The following NFASC variants were observed in gnomAD, a reference collection of about 807,000 sequenced individuals.
The protein encoded by NFASC is neurofascin homolog.
Under a neutral mutation model 147.5 loss-of-function variants are expected in NFASC, and 43 were observed. The observed-to-expected ratio is 0.29, with a 90% CI of 0.23 to 0.38. The LOEUF (loss-of-function observed/expected upper bound fraction) is 0.38, where lower values mean the gene tolerates loss of function less well. Among genes scored for constraint, NFASC ranks in the 10% least tolerant of loss-of-function variants. The pLI is 1.00. For missense variants in NFASC, 1,320 were observed against 1,689.0 expected, an observed-to-expected ratio of 0.78 and a Z score of 3.83; for synonymous variants, 622 against 665.5, an observed-to-expected ratio of 0.93 and a Z score of 1.01.
At chr1:204,946,028 G>T (rs2093705051) in intron 3 of NFASC, among the ~76,000 whole-genome samples, 1 of 152,144 alleles carries the variant, frequency 6.6e-6, no homozygotes, top group African/African-American at 2.4e-5. Flanking sequence ...AAGCTCTACA[G>T]GAAACGGAGA....
intron 17 of NFASC, among the ~76,000 whole-genome samples, chr1:204,978,374 C>G (rs1159403714): frequency 1.3e-5 from 2 of 152,202 alleles, no homozygotes; most frequent in Non-Finnish European, 2.9e-5. Flanking sequence ...GTTTGCAAGC[C>G]TGCTAGGCTT....
At chr1:205,009,483 C>G in intron 27 of NFASC, 74 bp from the exon 28 acceptor site, 21 of 1,496,330 alleles carry the variant, frequency 1.4e-5, no homozygotes, top group Non-Finnish European at 2.0e-5. Flanking sequence ...AGCTGAAGTT[C>G]TTCCCTCCAT....
At chr1:204,957,958 G>GAGCTGGAA in intron 8 of NFASC, 132 bp downstream of exon 8, 1 of 787,586 alleles carries the variant, frequency 1.3e-6, no homozygotes, top group Non-Finnish European at 2.1e-6. Context: ...TCCAGCTCAT[G>GAGCTGGAA]GTGCCTGAGC....
Position 204,980,413 on chromosome 1 carries a change from A to G in NFASC, c.2220A>G (p.Arg740=). The change falls in exon 20 of 30, where the codon AGA becomes AGG. Residue 740 remains arginine, a synonymous_variant. Coordinates refer to ENST00000339876, the MANE Select transcript of NFASC (RefSeq NM_001005388.3). ...GTGACGTGAAGGGAGAGGGGACCAGAAAGAACAACATGGAGATCACGTGGA... is the reference window on the plus strand; with the variant it reads ...GTGACGTGAAGGGAGAGGGGACCAGGAAGAACAACATGGAGATCACGTGGA... ...NPGDVKGEGT[R]KNNMEITWTP... 1.2e-6 allele frequency: 2 copies of G among 1,613,634 alleles called. No homozygotes were observed. The highest frequency in any genetic ancestry group is 1.7e-6 in the Non-Finnish European group (2 of 1,179,760).
chr1:204,944,461 G>A, intron 3 of NFASC, 55 bp downstream of exon 3: 3 of 1,095,448 alleles, frequency 2.7e-6, no homozygotes, highest in Non-Finnish European at 3.9e-6. Flanking sequence ...GCAGAGGGGT[G>A]GGAGGGGAGG....
chr1:204,969,540 G>A (rs1298584987), intron 10 of NFASC, among the ~76,000 whole-genome samples: 1 of 152,210 alleles, frequency 6.6e-6, no homozygotes, highest in East Asian at 1.9e-4. Flanking sequence ...GCCTGGGGCT[G>A]TATGGATGGT....
intron 1 of NFASC, among the ~76,000 whole-genome samples, chr1:204,899,257 G>A (rs150291043): frequency 5.8e-4 from 89 of 152,346 alleles, no homozygotes; most frequent in African/African-American, 1.9e-3. Context: ...TGCAAAAGCC[G>A]TAAGTGCTCA....
intron 4 of NFASC, 130 bp from the exon 5 acceptor site, chr1:204,951,881 G>GC (rs1558224737): frequency 1.5e-6 from 1 of 651,818 alleles, no homozygotes; most frequent in Non-Finnish European, 2.7e-6. Context: ...CCTGTTCACC[G>GC]CCCCCCACAC....
intron 1 of NFASC, among the ~76,000 whole-genome samples, chr1:204,855,584 G>A (rs571180192): frequency 7.9e-5 from 12 of 152,280 alleles, no homozygotes; most frequent in South Asian, 4.1e-4. Context: ...GGCACTGAGC[G>A]AGGGCTGAAT....
chr1:204,866,190 G>A (rs1008229714), intron 1 of NFASC, among the ~76,000 whole-genome samples: 3 of 152,200 alleles, frequency 2.0e-5, no homozygotes, highest in African/African-American at 7.2e-5. Context: ...GGAGGCTGGA[G>A]CTCTGGCTGG....
intron 1 of NFASC, among the ~76,000 whole-genome samples, chr1:204,863,847 C>CAAAA (rs35987665): frequency 1.6e-5 from 1 of 61,702 alleles, no homozygotes; most frequent in African/African-American, 5.1e-5. Context: ...GACTCTGTCT[C>CAAAA]AAAAAAAAAA....
At chr1:204,981,620 C>T (rs115163149) in intron 20 of NFASC, among the ~76,000 whole-genome samples, 178 bp from the exon 21 acceptor site, 2,559 of 152,344 alleles carry the variant, frequency 0.017, 77 homozygotes, top group African/African-American at 0.058. Context: ...TTCACAGGAC[C>T]TTGGGCTTTT....
intron 1 of NFASC, among the ~76,000 whole-genome samples, chr1:204,852,009 G>T (rs2075740339): frequency 6.6e-6 from 1 of 152,140 alleles, no homozygotes; most frequent in South Asian, 2.1e-4. Context: ...GATGTAATGT[G>T]CCCCCCATGC....
At chr1:204,971,585 A>G (rs12063938) in intron 11 of NFASC, among the ~76,000 whole-genome samples, 7 of 152,104 alleles carry the variant, frequency 4.6e-5, no homozygotes, top group Non-Finnish European at 1.0e-4. Context: ...ATTTAGACAT[A>G]TATTGTATGC....
chr1:204,946,739 C>G (rs188551708), intron 3 of NFASC: 10 of 519,026 alleles, frequency 1.9e-5, no homozygotes, highest in African/African-American at 1.9e-4. Flanking sequence ...AAGTACCTGG[C>G]CTTCCTCTGC....
intron 1 of NFASC, among the ~76,000 whole-genome samples, chr1:204,889,778 G>A (rs535609953): frequency 3.3e-5 from 5 of 152,308 alleles, no homozygotes; most frequent in South Asian, 4.1e-4. Flanking sequence ...GTACTGGGTG[G>A]TAATTGGTGA....
At chr1:204,863,632 C>T (rs1486318696) in intron 1 of NFASC, among the ~76,000 whole-genome samples, 1 of 152,024 alleles carries the variant, frequency 6.6e-6, no homozygotes, top group African/African-American at 2.4e-5. Flanking sequence ...GGTGGATCAA[C>T]TGAGGTCAGG....
At chr1:204,907,422 A>T (rs192804553) in intron 1 of NFASC, among the ~76,000 whole-genome samples, 41 of 152,138 alleles carry the variant, frequency 2.7e-4, no homozygotes, top group Admixed American at 1.0e-3. Flanking sequence ...CCTCTTAGTA[A>T]TGTCTCTCAA....
In NFASC at chr1:204,970,480, A is replaced by G; in HGVS notation, c.1004-136A>G. 5 of 934,234 alleles carry G rather than the reference A, an allele frequency of 5.4e-6. No individual in the cohort carries two copies. The South Asian group carries it at 6.4e-5, about 12-fold the overall frequency. The allele number at this position is 934,234 out of a possible 1,614,324, so 57.9% of individuals were successfully genotyped here. On this transcript the variant is annotated intron_variant, in intron 10 of 29. Coordinates refer to ENST00000339876, the MANE Select transcript of NFASC (RefSeq NM_001005388.3). Reference sequence around the variant, plus strand: ...GCTGGACCAAGTTATCCCTGTGAGGATGAGCCCTGGGGCAGGTGGTGAGCA... The same window carrying G: ...GCTGGACCAAGTTATCCCTGTGAGGGTGAGCCCTGGGGCAGGTGGTGAGCA...
Sources: allele counts gnomAD v4.1 joint callset (sites outside exome capture counted in the v4.1 genomes callset), GRCh38; gene constraint gnomAD v4.1.1; transcripts MANE v1.5; gene names NCBI Gene and HGNC (gene_info 2026-07-23, HGNC 2026-07-21).